Variants in TCEA1 observed in about 807,000 individuals in gnomAD.
TCEA1 encodes the protein transcription elongation factor A1.
Under a neutral mutation model 43.8 loss-of-function variants are expected in TCEA1, and 21 were observed. The observed-to-expected ratio is 0.48, with a 90% CI of 0.34 to 0.69. The LOEUF is 0.69. Ranked by LOEUF, TCEA1 falls within the 30% of genes least tolerant of loss-of-function variation. The pLI is 0.01. For missense variants in TCEA1, 250 were observed against 365.1 expected (o/e 0.68, Z 2.57); for synonymous variants, 104 against 117.5 (o/e 0.88, Z 0.75).
intron 8 of TCEA1, among the ~76,000 whole-genome samples, chr8:53,976,912 G>A (rs889942290): frequency 7.9e-5 from 12 of 152,152 alleles, no homozygotes; most frequent in Admixed American, 4.6e-4. Flanking sequence ...CTTCAAACAG[G>A]TAAAGGACTT....
rs546955822 is a variant in TCEA1, at chr8:53,976,653, A to G, written c.825+2372T>C. ...TATAATTTGATTATGTAAGTATATC[A>G]CTTTTACTTTTTAAAGAAGTTTTAA... On this transcript the variant is annotated intron_variant, in intron 8 of 9. Coordinates refer to ENST00000521604, the MANE Select transcript of TCEA1 (RefSeq NM_006756.4). Among the ~76,000 whole-genome samples, 9 of 152,004 alleles carry G rather than the reference A, an allele frequency of 5.9e-5. No homozygotes were observed. In the East Asian group the frequency reaches 1.7e-3, roughly 29 times the overall value.
intron 2 of TCEA1, among the ~76,000 whole-genome samples, chr8:54,009,260 C>T (rs959921685): frequency 6.6e-6 from 1 of 151,440 alleles, no homozygotes; most frequent in Non-Finnish European, 1.5e-5. Context: ...CTGTATAAAA[C>T]AGTATGGAGA....
At position 53,993,871 on chromosome 8, in the gene TCEA1, G is replaced by A; in HGVS notation, c.233-116C>T. 3 of 796,100 alleles carry A rather than the reference G, an allele frequency of 3.8e-6. No homozygotes were observed. The South Asian group carries it at 5.0e-5, about 13-fold the overall frequency. The allele number at this position is 796,100 out of a possible 1,614,324, so 49.3% of individuals were successfully genotyped here. A position where few individuals can be genotyped will look rare whatever the true frequency, so the allele number is the denominator to read the frequency against. ...TAAAATCCTAAGTTTCCTACAAGTAGATGAAGTTTGCATAAGCTATTAGCA... is the reference window on the plus strand; with the variant it reads ...TAAAATCCTAAGTTTCCTACAAGTAAATGAAGTTTGCATAAGCTATTAGCA... On this transcript the variant is annotated intron_variant, in intron 3 of 9. Transcript: ENST00000521604.
At chr8:53,988,298 C>T (rs757314064) in intron 4 of TCEA1, 39 bp from the exon 5 acceptor site, 10 of 1,592,652 alleles carry the variant, frequency 6.3e-6, no homozygotes, top group Non-Finnish European at 7.7e-6. Context: ...AAATCAAGAA[C>T]AATCCTTTCA....
chr8:54,022,281 C>CGGT lies in TCEA1; in HGVS notation c.-157_-156insACC. 2 of 771,140 alleles carry CGGT rather than the reference C, an allele frequency of 2.6e-6. No individual in the cohort carries two copies. Among genetic ancestry groups the CGGT allele is most frequent in the South Asian group, 1.6e-5 (1 of 62,824 alleles). 47.8% of individuals were successfully genotyped at this position (771,140 alleles called of 1,614,324 possible). A position where few individuals can be genotyped will look rare whatever the true frequency, so the allele number is the denominator to read the frequency against. ...CCTTCCTTACGAACGAAGCCCGCGG[C>CGGT]GGCGGCGGCGGCGGCGGCGGCTCCG... On this transcript the variant is annotated 5_prime_UTR_variant, in exon 1 of 10. Transcript: ENST00000521604.
intron 2 of TCEA1, among the ~76,000 whole-genome samples, chr8:54,000,690 T>C (rs1054487842): frequency 3.3e-5 from 5 of 151,852 alleles, no homozygotes; most frequent in Admixed American, 1.3e-4. Context: ...TTTTTAAAGA[T>C]GAAGAGATTG....
chr8:53,989,011 T>C (rs1430432892), intron 4 of TCEA1, among the ~76,000 whole-genome samples: 1 of 151,014 alleles, frequency 6.6e-6, no homozygotes, highest in Admixed American at 6.6e-5. Flanking sequence ...GAGGTTTCAG[T>C]GAGCCAAGAC....
chr8:53,999,410 T>TA (rs1804178780), intron 3 of TCEA1, among the ~76,000 whole-genome samples: 3 of 151,430 alleles, frequency 2.0e-5, no homozygotes, highest in South Asian at 4.2e-4. Context: ...TATGATTCCA[T>TA]AAAAAAATAA....
chr8:54,010,400 A>T lies in TCEA1; in HGVS notation c.126+30T>A, dbSNP rs759535537. 10 of 1,558,146 alleles carry T rather than the reference A, an allele frequency of 6.4e-6. No homozygotes were observed. The South Asian group carries it at 1.2e-4, about 19-fold the overall frequency. ...TGGTATTTTATGACGACTACCTATT[A>T]AAAAAACTTTGATGCATAAAAGCAC... On this transcript the variant is annotated intron_variant, in intron 2 of 9. Transcript: ENST00000521604.
intron 1 of TCEA1, among the ~76,000 whole-genome samples, chr8:54,021,372 G>A (rs1288033855): frequency 2.0e-5 from 3 of 152,114 alleles, no homozygotes; most frequent in Non-Finnish European, 4.4e-5. Context: ...AAACCACTTA[G>A]AAAATACCCA....
chr8:54,012,503 G>A (rs1804682654), intron 1 of TCEA1, among the ~76,000 whole-genome samples: 1 of 152,182 alleles, frequency 6.6e-6, no homozygotes, highest in South Asian at 2.1e-4. Flanking sequence ...AGGTTGCAGT[G>A]AGCCGAGATC....
chr8:53,988,966 G>A (rs1803780850), intron 4 of TCEA1, among the ~76,000 whole-genome samples: 1 of 152,068 alleles, frequency 6.6e-6, no homozygotes, highest in Admixed American at 6.5e-5. Context: ...CTACTTGGGA[G>A]GCTGAGGCAG....
chr8:54,021,806 C>G, intron 1 of TCEA1: 1 of 358,032 alleles, frequency 2.8e-6, no homozygotes, highest in Non-Finnish European at 4.9e-6. Context: ...GCCCTAATCC[C>G]TAAATCGATT....
chr8:54,019,725 T>C (rs1804963466), intron 1 of TCEA1, among the ~76,000 whole-genome samples: 1 of 152,126 alleles, frequency 6.6e-6, no homozygotes, highest in South Asian at 2.1e-4. Context: ...TAAAAAGCCA[T>C]CTGTAGGCTG....
Position 53,979,055 on chromosome 8 carries a change from T to G in TCEA1, c.795A>C (p.Lys265Asn). The part of the protein sequence containing the change: ...GTQTDLFTCG[K>N]CKKKNCTYTQ... Reference sequence around the variant, plus strand: ...TGTAAGTGCAATTCTTCTTTTTACATTTGCCACATGTGAACAAGTCAGTCT... The same window carrying G: ...TGTAAGTGCAATTCTTCTTTTTACAGTTGCCACATGTGAACAAGTCAGTCT... The change falls in exon 8 of 10, where the codon AAA (lysine) becomes AAC (asparagine). Residue 265 changes from lysine to asparagine, a missense_variant. Physicochemically the swap from Lys to Asn is moderately conservative, Grantham distance 94. Transcript: ENST00000521604. 1 of 1,612,036 alleles carries G rather than the reference T, an allele frequency of 6.2e-7. No individual in the cohort carries two copies. The highest frequency in any genetic ancestry group is 2.2e-5 in the East Asian group (1 of 44,848).
chr8:53,998,794 A>C (rs984511004), intron 3 of TCEA1, among the ~76,000 whole-genome samples: 1 of 152,220 alleles, frequency 6.6e-6, no homozygotes, highest in Non-Finnish European at 1.5e-5. Flanking sequence ...CATGAACCTA[A>C]GTAAACAGGT....
intron 1 of TCEA1, among the ~76,000 whole-genome samples, chr8:54,016,630 G>A (rs999972987): frequency 6.6e-6 from 1 of 151,948 alleles, no homozygotes; most frequent in Non-Finnish European, 1.5e-5. Context: ...CCTGAGATCA[G>A]GAGTTCTAGA....
chr8:54,009,410 T>C (rs570788398), intron 2 of TCEA1, among the ~76,000 whole-genome samples: 3 of 152,264 alleles, frequency 2.0e-5, no homozygotes, highest in Non-Finnish European at 2.9e-5. Flanking sequence ...AGCCAAGATA[T>C]GGAATCAACC....
chr8:54,016,890 C>T (rs1055843555), intron 1 of TCEA1, among the ~76,000 whole-genome samples: 1 of 147,252 alleles, frequency 6.8e-6, no homozygotes, highest in African/African-American at 2.5e-5. Flanking sequence ...AGGAGAACTG[C>T]TTGAACCTGG....
Sources: allele counts gnomAD v4.1 joint callset (sites outside exome capture counted in the v4.1 genomes callset), GRCh38; gene constraint gnomAD v4.1.1; transcripts MANE v1.5; gene names NCBI Gene and HGNC (gene_info 2026-07-23, HGNC 2026-07-21).